GPC6: variants seen among roughly 807,000 people sequenced by gnomAD.
GPC6 encodes the protein glypican 6, also known as glypican-6.
A neutral mutation model predicts 55.2 loss-of-function variants in GPC6; 14 were observed. The observed-to-expected ratio is 0.25, with a 90% CI of 0.17 to 0.40. The LOEUF is 0.40. GPC6 is among the 10% of genes least tolerant of loss of function. The probability of loss-of-function intolerance (pLI) is 1.00; values close to 1 mark genes in which losing one functional copy is unlikely to be tolerated. For missense variants in GPC6, 641 were observed against 708.5 expected (o/e 0.90, Z 1.08); for synonymous variants, 278 against 259.6 (o/e 1.07, Z -0.68).
At chr13:93,998,249 T>C (rs761011186) in intron 3 of GPC6, among the ~76,000 whole-genome samples, 7 of 152,140 alleles carry the variant, frequency 4.6e-5, no homozygotes, top group Non-Finnish European at 8.8e-5. Flanking sequence ...TATAGTAAAC[T>C]AAGAGTTGGT....
At chr13:93,534,954 T>C (rs557095810) in intron 1 of GPC6, among the ~76,000 whole-genome samples, 14 of 152,256 alleles carry the variant, frequency 9.2e-5, no homozygotes, top group African/African-American at 3.4e-4. Context: ...GTAATCGTGG[T>C]TATGTGGCCC....
At chr13:94,329,315 T>G (rs1360900591) in intron 6 of GPC6, among the ~76,000 whole-genome samples, 1 of 152,112 alleles carries the variant, frequency 6.6e-6, no homozygotes, top group East Asian at 1.9e-4. Context: ...AATTTTCACA[T>G]GAGTTCACAG....
At chr13:93,307,530 C>A (rs1878897695) in intron 1 of GPC6, among the ~76,000 whole-genome samples, 1 of 151,906 alleles carries the variant, frequency 6.6e-6, no homozygotes, top group South Asian at 2.1e-4. Flanking sequence ...AATTATAAAC[C>A]ACTCATACCT....
chr13:93,562,524 T>C (rs1336889163), intron 2 of GPC6, among the ~76,000 whole-genome samples: 4 of 152,058 alleles, frequency 2.6e-5, no homozygotes, highest in Non-Finnish European at 5.9e-5. Flanking sequence ...CCATGGAGAG[T>C]TATTGTGAAT....
chr13:93,407,060 A>G (rs1383999851), intron 1 of GPC6, among the ~76,000 whole-genome samples: 1 of 152,086 alleles, frequency 6.6e-6, no homozygotes, highest in African/African-American at 2.4e-5. Flanking sequence ...GTTAAGTTGT[A>G]TATTATTGTT....
intron 1 of GPC6, among the ~76,000 whole-genome samples, chr13:93,273,384 C>T (rs1166491626): frequency 9.9e-5 from 15 of 152,228 alleles, no homozygotes; most frequent in Admixed American, 5.9e-4. Flanking sequence ...ATAGGCTGGG[C>T]GCGGTGGCTC....
At position 93,297,336 on chromosome 13, in the gene GPC6, T is replaced by C. The variant is rs189832275; in HGVS notation, c.160+69720T>C. On this transcript the variant is annotated intron_variant, in intron 1 of 8. Coordinates refer to ENST00000377047, the MANE Select transcript of GPC6 (RefSeq NM_005708.5). ...GGAGGGCATCAGGATAAATAGCTAATGCATGTGGGGCTTAATACCCAGGTG... is the reference window on the plus strand; with the variant it reads ...GGAGGGCATCAGGATAAATAGCTAACGCATGTGGGGCTTAATACCCAGGTG... 1.5e-3 allele frequency among the ~76,000 whole-genome samples: 222 copies of C among 152,258 alleles called. 1 individual carries two copies. The highest frequency in any genetic ancestry group is 8.1e-3 in the South Asian group (39 of 4,826).
intron 2 of GPC6, among the ~76,000 whole-genome samples, chr13:93,785,062 T>C (rs1379028834): frequency 1.3e-5 from 2 of 152,088 alleles, no homozygotes; most frequent in Non-Finnish European, 2.9e-5. Flanking sequence ...TTAGAGGCAT[T>C]AACTAAGTCC....
At chr13:93,688,165 T>C (rs1485826942) in intron 2 of GPC6, among the ~76,000 whole-genome samples, 2 of 152,050 alleles carry the variant, frequency 1.3e-5, no homozygotes, top group African/African-American at 4.8e-5. Flanking sequence ...GATAACTTTG[T>C]TTTGATAGGA....
chr13:94,215,083 C>T (rs920687410), intron 4 of GPC6, among the ~76,000 whole-genome samples: 5 of 152,192 alleles, frequency 3.3e-5, no homozygotes, highest in African/African-American at 1.2e-4. Flanking sequence ...CACACGCTCA[C>T]GCATGGACAC....
intron 1 of GPC6, among the ~76,000 whole-genome samples, chr13:93,485,802 A>G (rs1055228548): frequency 1.3e-5 from 2 of 152,010 alleles, no homozygotes; most frequent in African/African-American, 4.8e-5. Flanking sequence ...CAGGTTTGAG[A>G]TTTTTGCAGT....
intron 2 of GPC6, among the ~76,000 whole-genome samples, chr13:93,669,590 G>T (rs925591106): frequency 6.6e-6 from 1 of 152,190 alleles, no homozygotes; most frequent in Non-Finnish European, 1.5e-5. Flanking sequence ...CAGGTGCATT[G>T]GGTGCAAGTG....
At chr13:93,826,207 A>G (rs1365323516) in intron 2 of GPC6, among the ~76,000 whole-genome samples, 1 of 152,100 alleles carries the variant, frequency 6.6e-6, no homozygotes, top group Non-Finnish European at 1.5e-5. Context: ...AGCCCCTCCT[A>G]TGGAGCATTC....
At chr13:94,051,014 A>G (rs1185254369) in intron 4 of GPC6, among the ~76,000 whole-genome samples, 1 of 152,158 alleles carries the variant, frequency 6.6e-6, no homozygotes, top group Non-Finnish European at 1.5e-5. Flanking sequence ...CATTGTCTTC[A>G]TTGACAGATG....
intron 1 of GPC6, among the ~76,000 whole-genome samples, chr13:93,229,162 C>T (rs980344758): frequency 6.6e-5 from 10 of 152,184 alleles, no homozygotes; most frequent in African/African-American, 2.4e-4. Context: ...GTCCCCACAG[C>T]TCCTTAAGTT....
intron 4 of GPC6, among the ~76,000 whole-genome samples, chr13:94,063,837 G>A (rs899542321): frequency 2.0e-5 from 3 of 152,090 alleles, no homozygotes; most frequent in African/African-American, 7.2e-5. Context: ...CATTCAGTTT[G>A]TTTATATCAT....
In GPC6 at chr13:93,858,790, T is replaced by A. The variant is rs1332903863; in HGVS notation, c.711+28245T>A. ...GGAGTAGTGGGGGTGAAAGTCTAAG[T>A]GGTTTTAGGGAAGAATAGGAGGAGA... On this transcript the variant is annotated intron_variant, in intron 3 of 8. Coordinates refer to ENST00000377047, the MANE Select transcript of GPC6 (RefSeq NM_005708.5). 2.6e-5 allele frequency among the ~76,000 whole-genome samples: 4 copies of A among 151,222 alleles called. No homozygotes were observed. The East Asian group carries it at 7.8e-4, about 30-fold the overall frequency.
At chr13:93,949,767 A>G (rs1332926376) in intron 3 of GPC6, among the ~76,000 whole-genome samples, 1 of 152,136 alleles carries the variant, frequency 6.6e-6, no homozygotes. Flanking sequence ...TCATTCTGTC[A>G]ACCAGGCTGG....
At chr13:94,061,276 G>C (rs1594704305) in intron 4 of GPC6, among the ~76,000 whole-genome samples, 1 of 152,114 alleles carries the variant, frequency 6.6e-6, no homozygotes, top group East Asian at 1.9e-4. Flanking sequence ...TCCCATCTTA[G>C]TACTACAAAA....
Sources: gnomAD v4.1 joint callset for allele counts (sites outside exome capture counted in the v4.1 genomes callset) on GRCh38, gnomAD v4.1.1 for gene constraint, MANE v1.5 for transcripts, NCBI Gene and HGNC (gene_info 2026-07-23, HGNC 2026-07-21) for gene names.